Variants in EDNRB observed in about 807,000 individuals in gnomAD.
The protein encoded by EDNRB is endothelin receptor type B, also known as Hirschsprung disease 2.
In EDNRB, 18 loss-of-function variants were observed where a neutral mutation model predicts 46.4. The ratio of observed to expected loss-of-function variants is 0.39; its 90% confidence interval spans 0.27 to 0.57. The LOEUF is 0.57. Among genes scored for constraint, EDNRB ranks in the 20% least tolerant of loss-of-function variants. The pLI, the probability that EDNRB is intolerant of heterozygous loss-of-function variation, is 0.61. For synonymous variants in EDNRB, 213 were observed against 204.9 expected (o/e 1.04, Z -0.34); for missense variants, 434 against 537.5 (o/e 0.81, Z 1.90).
chr13:77,919,279 G>A, upstream of EDNRB: 1 of 1,074,942 alleles, frequency 9.3e-7, no homozygotes. Flanking sequence ...ATTTTAATTT[G>A]CCCTCTCTAT....
intron 1 of EDNRB, among the ~76,000 whole-genome samples, chr13:77,950,549 A>G (rs1881062696): frequency 6.6e-6 from 1 of 152,220 alleles, no homozygotes; most frequent in Non-Finnish European, 1.5e-5. Context: ...GGGTTGCATT[A>G]AAGAATCACC....
chr13:77,929,190 T>C (rs1385757691), intron 1 of EDNRB, among the ~76,000 whole-genome samples: 1 of 152,190 alleles, frequency 6.6e-6, no homozygotes, highest in Non-Finnish European at 1.5e-5. Flanking sequence ...AAATATATTT[T>C]AGGCTCCAAA....
At chr13:77,958,226 A>G (rs778443395) in intron 1 of EDNRB, among the ~76,000 whole-genome samples, 42 of 152,214 alleles carry the variant, frequency 2.8e-4, no homozygotes, top group Non-Finnish European at 5.6e-4. Context: ...GATCATTAAA[A>G]ACACCCACAG....
chr13:77,920,342 C>G (rs1880042577), upstream of EDNRB, among the ~76,000 whole-genome samples: 1 of 152,134 alleles, frequency 6.6e-6, no homozygotes, highest in Non-Finnish European at 1.5e-5. Context: ...GGTAGTTTTG[C>G]CCAGAGATTG....
In EDNRB at chr13:77,896,940, C is replaced by A; in HGVS notation, c.*1260G>T. ...TTTGCCTCTAGATGAAAGAAAAGCA[C>A]CATGTCAAGCAAACTTTTCTATTGG... On this transcript the variant is annotated 3_prime_UTR_variant, in exon 7 of 7. Coordinates refer to ENST00000646607, the MANE Select transcript of EDNRB (RefSeq NM_001122659.3). 1.0e-6 allele frequency: 1 copy of A among 993,208 alleles called. No individual in the cohort carries two copies. The highest frequency in any genetic ancestry group is 1.2e-6 in the Non-Finnish European group (1 of 835,286). The allele number at this position is 993,208 out of a possible 1,614,324, so 61.5% of individuals were successfully genotyped here. A position where few individuals can be genotyped will look rare whatever the true frequency, so the allele number is the denominator to read the frequency against.
At chr13:77,943,472 A>T (rs1289071020) in intron 1 of EDNRB, among the ~76,000 whole-genome samples, 1 of 152,104 alleles carries the variant, frequency 6.6e-6, no homozygotes, top group Non-Finnish European at 1.5e-5. Context: ...TAGCCTTACA[A>T]ACTGAAGTAA....
intron 1 of EDNRB, among the ~76,000 whole-genome samples, chr13:77,946,574 A>G (rs1216671416): frequency 6.6e-6 from 1 of 152,200 alleles, no homozygotes; most frequent in Non-Finnish European, 1.5e-5. Context: ...TAAGAGAAAA[A>G]AAAACCCATT....
intron 1 of EDNRB, among the ~76,000 whole-genome samples, chr13:77,960,531 A>G (rs1881375135): frequency 6.6e-6 from 1 of 152,204 alleles, no homozygotes; most frequent in South Asian, 2.1e-4. Flanking sequence ...AGAGTTCCTG[A>G]AGGAAGCACT....
At chr13:77,967,513 C>T (rs534017089) in intron 1 of EDNRB, among the ~76,000 whole-genome samples, 1 of 152,314 alleles carries the variant, frequency 6.6e-6, no homozygotes, top group East Asian at 1.9e-4. Context: ...CAGTCAATTA[C>T]CACTAGACTT....
chr13:77,920,141 G>T (rs1296780624), upstream of EDNRB, among the ~76,000 whole-genome samples: 2 of 152,226 alleles, frequency 1.3e-5, no homozygotes, highest in East Asian at 3.9e-4. Flanking sequence ...CAGTATCGGT[G>T]TTAGGCAATC....
At chr13:77,955,589 C>A (rs867621527) in intron 1 of EDNRB, among the ~76,000 whole-genome samples, 30 of 152,084 alleles carry the variant, frequency 2.0e-4, no homozygotes, top group African/African-American at 7.2e-4. Flanking sequence ...ATGTTTTCTT[C>A]TAAGAGTTTT....
chr13:77,954,336 C>T (rs1026508273), intron 1 of EDNRB, among the ~76,000 whole-genome samples: 1 of 151,982 alleles, frequency 6.6e-6, no homozygotes, highest in African/African-American at 2.4e-5. Flanking sequence ...ACTTCTATAC[C>T]ATTGGCTATT....
chr13:77,902,940 C>T (rs1474981997), intron 3 of EDNRB, among the ~76,000 whole-genome samples: 1 of 151,932 alleles, frequency 6.6e-6, no homozygotes, highest in African/African-American at 2.4e-5. Context: ...ATCTATGCCA[C>T]TGAGATCAAG....
chr13:77,911,097 A>T (rs577328744), intron 1 of EDNRB, among the ~76,000 whole-genome samples: 210 of 152,142 alleles, frequency 1.4e-3, no homozygotes, highest in African/African-American at 4.9e-3. Context: ...TATCACCGAC[A>T]TATTACATAT....
At chr13:77,901,758 C>T (rs1401863118) in intron 3 of EDNRB, among the ~76,000 whole-genome samples, 2 of 151,750 alleles carry the variant, frequency 1.3e-5, no homozygotes, top group African/African-American at 4.8e-5. Flanking sequence ...TTTCATATTG[C>T]TTTAGATATA....
chr13:77,930,058 T>C (rs909865080), intron 1 of EDNRB, among the ~76,000 whole-genome samples: 13 of 152,158 alleles, frequency 8.5e-5, no homozygotes, highest in Non-Finnish European at 1.3e-4. Flanking sequence ...TATGGATTGA[T>C]TGAAAGCTAA....
At chr13:77,941,746 T>C (rs1880755396) in intron 1 of EDNRB, among the ~76,000 whole-genome samples, 1 of 152,222 alleles carries the variant, frequency 6.6e-6, no homozygotes, top group Non-Finnish European at 1.5e-5. Flanking sequence ...TTGTTTTATA[T>C]TTTGGAATCT....
chr13:77,917,670 G>C (rs1239527195), intron 1 of EDNRB, among the ~76,000 whole-genome samples: 1 of 152,160 alleles, frequency 6.6e-6, no homozygotes, highest in Non-Finnish European at 1.5e-5. Flanking sequence ...AGATCCTTCA[G>C]GACTAGTGGT....
chr13:77,934,965 G>A (rs567211127), intron 1 of EDNRB, among the ~76,000 whole-genome samples: 1 of 148,922 alleles, frequency 6.7e-6, no homozygotes, highest in Admixed American at 6.8e-5. Context: ...TACAGTCATG[G>A]GGGTCAGGTG....
Sources: gnomAD v4.1 joint callset for allele counts (sites outside exome capture counted in the v4.1 genomes callset) on GRCh38, gnomAD v4.1.1 for gene constraint, MANE v1.5 for transcripts, NCBI Gene and HGNC (gene_info 2026-07-23, HGNC 2026-07-21) for gene names.